ERV3-1: variants seen among roughly 807,000 people sequenced by gnomAD.
ERV3-1 encodes endogenous retrovirus group 3 member 1, envelope.
Under a neutral mutation model 24.6 loss-of-function variants are expected in ERV3-1, and 36 were observed. That is an observed-to-expected ratio of 1.47 (90% CI 1.12 to 1.94). The LOEUF is 1.94. Ranked by LOEUF, ERV3-1 falls within the 30% of genes most tolerant of loss-of-function variation. The pLI is 0.00. For synonymous variants in ERV3-1, 211 were observed against 122.6 expected (o/e 1.72, Z -4.76); for missense variants, 578 against 330.9 (o/e 1.75, Z -5.79).
In ERV3-1 at chr7:64,990,416, G is replaced by C. The variant is rs1448520743; in HGVS notation, c.*796C>G. On this transcript the variant is annotated 3_prime_UTR_variant, in exon 2 of 2. Transcript: ENST00000394323. ...TGGCCCAGCGGATTAACATCCAAAG[G>C]CTGAGCCCTGAACAAAGACAGGGCT... The C allele has an allele frequency of 5.4e-6, 1 of 185,638 alleles. No individual in the cohort carries two copies. The highest frequency in any genetic ancestry group is 1.1e-5 in the Non-Finnish European group (1 of 88,538). 11.5% of individuals were successfully genotyped at this position (185,638 alleles called of 1,614,324 possible).
intron 1 of ERV3-1, among the ~76,000 whole-genome samples, chr7:65,002,164 T>G (rs962369862): frequency 2.0e-5 from 3 of 152,188 alleles, no homozygotes; most frequent in Admixed American, 6.5e-5. Context: ...TCCTTTGTGT[T>G]CTCCAGGAAC....
intron 1 of ERV3-1, among the ~76,000 whole-genome samples, chr7:65,001,001 AC>A (rs2129124137): frequency 6.6e-6 from 1 of 152,310 alleles, no homozygotes; most frequent in African/African-American, 2.4e-5. Context: ...ACACATGGAC[AC>A]AAAGAGAGAA....
intron 1 of ERV3-1, among the ~76,000 whole-genome samples, chr7:65,002,498 A>AT (rs397823719): frequency 0.51 from 76,774 of 150,718 alleles, 20,461 homozygotes; most frequent in Admixed American, 0.63. Context: ...TAATTTTTAT[A>AT]TTTTTTTTTA....
intron 1 of ERV3-1, among the ~76,000 whole-genome samples, chr7:65,005,790 G>T (rs773465738): frequency 3.3e-5 from 5 of 152,160 alleles, no homozygotes; most frequent in Admixed American, 3.3e-4. Context: ...TTAGACTGAG[G>T]TGGCTCCAGT....
rs529938359 is a variant in ERV3-1 at position 65,003,377 on chromosome 7, G to A, written c.-389+3164C>T. Among the ~76,000 whole-genome samples the A allele has an allele frequency of 3.2e-4, 49 of 152,320 alleles. 2 individuals carry two copies. In the South Asian group the frequency reaches 7.3e-3, roughly 23 times the overall value. On this transcript the variant is annotated intron_variant, in intron 1 of 1. Coordinates refer to ENST00000394323, the MANE Select transcript of ERV3-1 (RefSeq NM_001007253.4). ...CCTGCCTGTAATCCCAGCTACCTGGGAGGCTGAGGCAAGAGATTTGCTGGA... is the reference window on the plus strand; with the variant it reads ...CCTGCCTGTAATCCCAGCTACCTGGAAGGCTGAGGCAAGAGATTTGCTGGA...
chr7:64,992,164 T>C lies in ERV3-1; in HGVS notation c.863A>G (p.His288Arg), dbSNP rs1281961604. Residue 288 changes from histidine (H) to arginine (R), a missense_variant, in exon 2 of 2, where the codon CAC (histidine) becomes CGC (arginine). Transcript: ENST00000394323. ...QLAENIASSL[H>R]VASCYVCGGM... is the part of the protein sequence containing the mutation. ...CCCACAGACATAACATGAAGCAACG[T>C]GCAGGCTGCTGGCTATGTTTTCAGC... is the stretch of plus-strand genomic sequence containing the variant. The C allele has an allele frequency of 1.3e-6, 1 of 766,296 alleles. No individual in the cohort carries two copies. Among genetic ancestry groups the C allele is most frequent in the East Asian group, 2.4e-5 (1 of 41,254 alleles). 47.5% of individuals were successfully genotyped at this position (766,296 alleles called of 1,614,324 possible).
chr7:65,002,374 A>C (rs938975130), intron 1 of ERV3-1, among the ~76,000 whole-genome samples: 8 of 152,270 alleles, frequency 5.3e-5, no homozygotes, highest in African/African-American at 9.6e-5. Context: ...CCCAGACTAG[A>C]GTGTAGTGGC....
rs1292275265 is a variant in ERV3-1, at chr7:64,992,420, T to A, written c.607A>T (p.Thr203Ser). 7 of 766,292 alleles carry A rather than the reference T, an allele frequency of 9.1e-6. No individual in the cohort carries two copies. The African/African-American group carries it at 1.2e-4, about 13-fold the overall frequency. 47.5% of individuals were successfully genotyped at this position (766,292 alleles called of 1,614,324 possible). ...ATGGGCTGATCTGGCTCTAAGATGG[T>A]AAGATTTACAGAATTGCAAGTGCTT... ...KTSTCNSVNLTILEPDQPIWT... is the reference protein window; with the variant it reads ...KTSTCNSVNLSILEPDQPIWT... Residue 203 changes from threonine (T) to serine (S), a missense_variant, in exon 2 of 2, where the codon ACC becomes TCC. Transcript: ENST00000394323.
chr7:64,997,370 C>T (rs753676006), intron 1 of ERV3-1, among the ~76,000 whole-genome samples: 3 of 152,312 alleles, frequency 2.0e-5, no homozygotes, highest in East Asian at 1.9e-4. Flanking sequence ...ACAAACTCTG[C>T]GTTCACCATG....
rs1230024087 is a variant in ERV3-1 at position 64,991,838 on chromosome 7, A to T, written c.1189T>A (p.Ser397Thr). The change falls in exon 2 of 2, where the codon TCT (serine) becomes ACT (threonine). Residue 397 changes from serine (S) to threonine (T), a missense_variant. By Grantham distance (58) the Ser-to-Thr change is moderately conservative. Transcript: ENST00000394323. ...PHPSPFSRFP[S>T]LNHSWYQLEA... ...AGTTGGTACCAAGAATGGTTTAAAG[A>T]TGGGAAACGAGAGAATGGGCTTGGG... 1 of 766,158 alleles carries T rather than the reference A, an allele frequency of 1.3e-6. No homozygotes were observed. The highest frequency in any genetic ancestry group is 2.4e-6 in the Non-Finnish European group (1 of 417,910). 47.5% of individuals were successfully genotyped at this position (766,158 alleles called of 1,614,324 possible).
chr7:64,993,250 G>T lies in ERV3-1; in HGVS notation c.-224C>A, dbSNP rs1409039321. 22 of 529,264 alleles carry T rather than the reference G, an allele frequency of 4.2e-5. No homozygotes were observed. The East Asian group carries it at 6.8e-4, about 16-fold the overall frequency. 32.8% of individuals were successfully genotyped at this position (529,264 alleles called of 1,614,324 possible). On this transcript the variant is annotated 5_prime_UTR_variant, in exon 2 of 2. The change creates a new upstream start codon in the 5' untranslated region. Transcript: ENST00000394323. ...GCTTCAGCCGTGTGTGGACTGGTCA[G>T]CTTCCGGAGTGACCAGAGCAGGGCT... is the stretch of plus-strand genomic sequence containing the variant.
intron 1 of ERV3-1, chr7:65,003,680 C>G (rs1197855367): frequency 1.3e-5 from 2 of 151,996 alleles, no homozygotes; most frequent in Non-Finnish European, 2.9e-5. Flanking sequence ...CATTTCATAC[C>G]TCAATAAGAA....
At position 65,006,642 on chromosome 7, in the gene ERV3-1, CAG is replaced by C; in HGVS notation, c.-492_-491del. On this transcript the variant is annotated 5_prime_UTR_variant, in exon 1 of 2. Transcript: ENST00000394323. ...GCTGGGCCTCTAGGAGCAGAAGACACAGAGCAGTGAAGACTACACCAGAAGCT... is the reference window on the plus strand; with the variant it reads ...GCTGGGCCTCTAGGAGCAGAAGACACAGCAGTGAAGACTACACCAGAAGCT... 1 of 1,533,450 alleles carries C rather than the reference CAG, an allele frequency of 6.5e-7. No individual in the cohort carries two copies. The allele number at this position is 1,533,450 out of a possible 1,614,324, so 95.0% of individuals were successfully genotyped here.
chr7:65,004,372 CAAAACA>C (rs1216751909), intron 1 of ERV3-1: 1 of 152,046 alleles, frequency 6.6e-6, no homozygotes, highest in African/African-American at 2.4e-5. Flanking sequence ...CAAAACAAAA[CAAAACA>C]AAAACAAAAA....
rs1207621934 is a variant in ERV3-1, at chr7:64,993,266, G to C, written c.-240C>G. On this transcript the variant is annotated 5_prime_UTR_variant, in exon 2 of 2. Transcript: ENST00000394323. ...GACTGGTCAGCTTCCGGAGTGACCA[G>C]AGCAGGGCTGTTGTCATCTCACTGG... is the stretch of plus-strand genomic sequence containing the variant. 7 of 470,840 alleles carry C rather than the reference G, an allele frequency of 1.5e-5. No individual in the cohort carries two copies. Among genetic ancestry groups the C allele is most frequent in the African/African-American group, 5.8e-5 (3 of 51,652 alleles). 29.2% of individuals were successfully genotyped at this position (470,840 alleles called of 1,614,324 possible).
At chr7:65,003,629 A>C (rs1786569750) in intron 1 of ERV3-1, 1 of 152,240 alleles carries the variant, frequency 6.6e-6, no homozygotes. Flanking sequence ...AATTACTCAA[A>C]CACATTGTTT....
In ERV3-1 at chr7:65,001,189, A is replaced by T. The variant is rs138455949; in HGVS notation, c.-389+5352T>A. Among the ~76,000 whole-genome samples the T allele has an allele frequency of 7.6e-3, 1,151 of 152,316 alleles. 17 individuals are homozygous for T. The highest frequency in any genetic ancestry group is 0.027 in the African/African-American group (1,112 of 41,564). On this transcript the variant is annotated intron_variant, in intron 1 of 1. Transcript: ENST00000394323. ...GCATGTGTACCCCTGAACCAAAAAT[A>T]AAAAATTCGTGGGTGGGGGATAGCA... is the stretch of plus-strand genomic sequence containing the variant.
intron 1 of ERV3-1, among the ~76,000 whole-genome samples, chr7:64,999,224 C>T (rs555064099): frequency 2.0e-5 from 3 of 152,332 alleles, no homozygotes; most frequent in East Asian, 1.9e-4. Context: ...ATCTCCCCTC[C>T]GGGTTGAAGG....
At chr7:64,995,527 C>T (rs1786388716) in intron 1 of ERV3-1, among the ~76,000 whole-genome samples, 1 of 152,142 alleles carries the variant, frequency 6.6e-6, no homozygotes, top group Admixed American at 6.5e-5. Context: ...CTTGTGGCTT[C>T]ATATAAGGGC....
Sources: allele counts gnomAD v4.1 joint callset (sites outside exome capture counted in the v4.1 genomes callset), GRCh38; gene constraint gnomAD v4.1.1; transcripts MANE v1.5; gene names NCBI Gene and HGNC (gene_info 2026-07-23, HGNC 2026-07-21).